The following PRKAR1B variants were observed in gnomAD, a reference collection of about 807,000 sequenced individuals.
The protein encoded by PRKAR1B is cAMP-dependent protein kinase type I-beta regulatory subunit.
A neutral mutation model predicts 46.5 loss-of-function variants in PRKAR1B; 22 were observed. The ratio of observed to expected loss-of-function variants is 0.47; its 90% CI spans 0.34 to 0.68. The LOEUF is 0.68. Among genes scored for constraint, PRKAR1B ranks in the 30% least tolerant of loss-of-function variants. The pLI is 0.01. For synonymous variants in PRKAR1B, 259 were observed against 217.7 expected, an observed-to-expected ratio of 1.19 and a Z score of -1.67; for missense variants, 445 against 535.6, an observed-to-expected ratio of 0.83 and a Z score of 1.67.
chr7:718,656 C>T (rs1443376209), intron 1 of PRKAR1B, among the ~76,000 whole-genome samples: 1 of 152,066 alleles, frequency 6.6e-6, no homozygotes, highest in African/African-American at 2.4e-5. Context: ...TGCACCTGAC[C>T]TGACCCATTT....
At chr7:672,395 G>A (rs1005279672) in intron 4 of PRKAR1B, among the ~76,000 whole-genome samples, 9 of 151,542 alleles carry the variant, frequency 5.9e-5, no homozygotes, top group African/African-American at 2.2e-4. Context: ...CAAGTGATCT[G>A]CCCACCTCAG....
At chr7:717,265 G>C (rs1367358219) in intron 1 of PRKAR1B, among the ~76,000 whole-genome samples, 1 of 151,838 alleles carries the variant, frequency 6.6e-6, no homozygotes, top group Non-Finnish European at 1.5e-5. Flanking sequence ...TTCCAGCCTG[G>C]GCAACAGGAG....
In PRKAR1B at chr7:726,728, C is replaced by T; in HGVS notation, c.-23+482G>A. On this transcript the variant is annotated intron_variant, in intron 1 of 10. Transcript: ENST00000537384. The stretch of plus-strand genomic sequence containing the variant: ...ACCGGCGACGCGGGCAAGATGGCGG[C>T]GCTGGGGGTGGCGGAGGCCGTGGCG... The T allele has an allele frequency of 8.1e-7, 1 of 1,240,312 alleles. No homozygotes were observed. Among genetic ancestry groups the T allele is most frequent in the Non-Finnish European group, 1.0e-6 (1 of 993,130 alleles). 76.8% of individuals were successfully genotyped at this position (1,240,312 alleles called of 1,614,324 possible).
chr7:722,521 G>A (rs887577252), intron 1 of PRKAR1B, among the ~76,000 whole-genome samples: 1 of 149,830 alleles, frequency 6.7e-6, no homozygotes, highest in African/African-American at 2.5e-5. Flanking sequence ...ACAGGCGTGA[G>A]CCACCGCGCC....
chr7:556,702 G>A (rs941522770), intron 9 of PRKAR1B, among the ~76,000 whole-genome samples: 8 of 152,152 alleles, frequency 5.3e-5, no homozygotes, highest in South Asian at 2.1e-4. Flanking sequence ...CCTGTGGATC[G>A]GGAACAGTTC....
intron 9 of PRKAR1B, among the ~76,000 whole-genome samples, chr7:567,480 A>G (rs1779232724): frequency 6.7e-6 from 1 of 149,892 alleles, no homozygotes; most frequent in South Asian, 2.1e-4. Context: ...CATCACCATC[A>G]CCTTCATCAC....
At chr7:711,646 G>A in intron 1 of PRKAR1B, 119 bp from the exon 2 acceptor site, 1 of 909,850 alleles carries the variant, frequency 1.1e-6, no homozygotes. Flanking sequence ...CACTGATTCT[G>A]CATTTGTCAA....
intron 1 of PRKAR1B, chr7:712,461 G>A (rs1001085350): frequency 5.4e-5 from 8 of 148,304 alleles, no homozygotes; most frequent in South Asian, 2.1e-4. Context: ...CGGGGACGCG[G>A]GGCGCGGGGA....
At chr7:656,665 G>A (rs1337668664) in intron 4 of PRKAR1B, among the ~76,000 whole-genome samples, 1 of 152,032 alleles carries the variant, frequency 6.6e-6, no homozygotes, top group African/African-American at 2.4e-5. Flanking sequence ...GAATAAGTGG[G>A]TGAATGAATT....
intron 2 of PRKAR1B, among the ~76,000 whole-genome samples, chr7:684,667 G>A (rs770059809): frequency 1.4e-4 from 22 of 152,290 alleles, no homozygotes; most frequent in Non-Finnish European, 2.2e-4. Flanking sequence ...ACAGGAGCTC[G>A]GAAGCCTGGG....
At chr7:551,256 A>C in intron 10 of PRKAR1B, 133 bp downstream of exon 10, 1 of 834,746 alleles carries the variant, frequency 1.2e-6, no homozygotes, top group Non-Finnish European at 1.9e-6. Flanking sequence ...TTGCAGCCAC[A>C]CTGGGGCTCA....
chr7:599,229 G>A (rs1046170279), intron 6 of PRKAR1B, among the ~76,000 whole-genome samples: 31 of 152,188 alleles, frequency 2.0e-4, no homozygotes, highest in African/African-American at 7.5e-4. Flanking sequence ...CACTCCCGGC[G>A]CAGTGCGGGC....
chr7:660,865 C>CT (rs1785499568), intron 4 of PRKAR1B, among the ~76,000 whole-genome samples: 1 of 133,494 alleles, frequency 7.5e-6, no homozygotes. Context: ...TACTCTGCCC[C>CT]CCATGGCACA....
At chr7:726,290 C>T (rs540692978) in intron 1 of PRKAR1B, among the ~76,000 whole-genome samples, 2 of 152,332 alleles carry the variant, frequency 1.3e-5, no homozygotes, top group South Asian at 2.1e-4. Flanking sequence ...AGCGTCCTTC[C>T]CTCCTGGAAC....
At chr7:722,188 C>T (rs1045648573) in intron 1 of PRKAR1B, among the ~76,000 whole-genome samples, 6 of 150,902 alleles carry the variant, frequency 4.0e-5, no homozygotes, top group African/African-American at 1.2e-4. Context: ...ACAACCTCCA[C>T]CTCCTGGGTT....
chr7:596,372 G>C lies in PRKAR1B; in HGVS notation c.550-68C>G. ...GGTGACCTCCTCTGCATCCCATACA[G>C]AAAGTCCCCCTTAGCTCTCTCCAGA... On this transcript the variant is annotated intron_variant, in intron 6 of 10. Transcript: ENST00000537384. The C allele has an allele frequency of 3.2e-6, 5 of 1,541,590 alleles. No individual in the cohort carries two copies. In the South Asian group the frequency reaches 6.0e-5, roughly 19 times the overall value.
In PRKAR1B at chr7:549,930, A is replaced by G. The variant is rs1407214985; in HGVS notation, c.*500T>C. 1.3e-5 allele frequency: 2 copies of G among 156,706 alleles called. No individual in the cohort carries two copies. The highest frequency in any genetic ancestry group is 4.9e-5 in the African/African-American group (2 of 41,148). The allele number at this position is 156,706 out of a possible 1,614,324, so 9.7% of individuals were successfully genotyped here. On this transcript the variant is annotated 3_prime_UTR_variant, in exon 11 of 11. Coordinates refer to ENST00000537384, the MANE Select transcript of PRKAR1B (RefSeq NM_001164760.2). Reference sequence around the variant, plus strand: ...GCGGGCAGGGGTACACATTTGCGGGAGGGGCCTTGACTTCTTCGGCCTCAA... The same window carrying G: ...GCGGGCAGGGGTACACATTTGCGGGGGGGGCCTTGACTTCTTCGGCCTCAA...
chr7:584,769 G>C (rs1349890823), intron 7 of PRKAR1B, among the ~76,000 whole-genome samples: 1 of 152,100 alleles, frequency 6.6e-6, no homozygotes, highest in African/African-American at 2.4e-5. Context: ...CCTCCCGGGG[G>C]GCTTCTGGAG....
chr7:561,111 C>T (rs1778760869), intron 9 of PRKAR1B, among the ~76,000 whole-genome samples: 1 of 151,686 alleles, frequency 6.6e-6, no homozygotes, highest in Admixed American at 6.6e-5. Flanking sequence ...CATGCACACA[C>T]ACCCCACACA....
Sources: allele counts gnomAD v4.1 joint callset (sites outside exome capture counted in the v4.1 genomes callset), GRCh38; gene constraint gnomAD v4.1.1; transcripts MANE v1.5; gene names NCBI Gene and HGNC (gene_info 2026-07-23, HGNC 2026-07-21).